The following CACNA2D2 variants were observed in gnomAD, a reference collection of about 807,000 sequenced individuals.
CACNA2D2 encodes the protein voltage-dependent calcium channel subunit alpha-2/delta-2.
Under a neutral mutation model 166.4 loss-of-function variants are expected in CACNA2D2, and 48 were observed. The ratio of observed to expected loss-of-function variants is 0.29; its 90% CI spans 0.23 to 0.37. The LOEUF (loss-of-function observed/expected upper bound fraction) is 0.37. Ranked by LOEUF, CACNA2D2 falls within the 10% of genes least tolerant of loss-of-function variation. The pLI is 1.00. For synonymous variants in CACNA2D2, 561 were observed against 573.7 expected (o/e 0.98, Z 0.32); for missense variants, 1,122 against 1,433.0 (o/e 0.78, Z 3.50).
chr3:50,490,051 G>A (rs1020374345), intron 1 of CACNA2D2, among the ~76,000 whole-genome samples: 2 of 152,198 alleles, frequency 1.3e-5, no homozygotes, highest in Non-Finnish European at 2.9e-5. Context: ...GGATGGTCAG[G>A]AAGCAGGTCC....
intron 1 of CACNA2D2, among the ~76,000 whole-genome samples, chr3:50,497,787 G>C (rs375950312): frequency 6.6e-6 from 1 of 152,208 alleles, no homozygotes; most frequent in African/African-American, 2.4e-5. Context: ...GCCACAGGCA[G>C]CTCTGGAAGC....
intron 3 of CACNA2D2, among the ~76,000 whole-genome samples, chr3:50,396,674 G>A (rs1706171890): frequency 6.6e-6 from 1 of 152,200 alleles, no homozygotes; most frequent in African/African-American, 2.4e-5. Flanking sequence ...AGTACAGCAG[G>A]TGCCGAGCTC....
At chr3:50,393,156 T>C (rs1705968348) in intron 4 of CACNA2D2, among the ~76,000 whole-genome samples, 1 of 152,202 alleles carries the variant, frequency 6.6e-6, no homozygotes, top group South Asian at 2.1e-4. Flanking sequence ...ATCCACTCTG[T>C]GCTTCTGTTT....
rs759679511 is a variant in CACNA2D2 at position 50,366,661 on chromosome 3, C to G, written c.2590-36G>C. On this transcript the variant is annotated intron_variant, in intron 29 of 37. Coordinates refer to ENST00000424201, the MANE Select transcript of CACNA2D2 (RefSeq NM_006030.4). The surrounding 1 kb of genome is among the most constrained non-coding windows in gnomAD (Gnocchi z 5.9). ...GAGAGTGAGGACCGTAAGCCACCCA[C>G]CAGTTTTCCTCCCTCCCATCACCTT... 3.1e-6 allele frequency: 5 copies of G among 1,612,916 alleles called. No individual in the cohort carries two copies. Among genetic ancestry groups the G allele is most frequent in the Admixed American group, 3.3e-5 (2 of 59,996 alleles).
chr3:50,480,857 C>T (rs1256429877), intron 1 of CACNA2D2, among the ~76,000 whole-genome samples: 5 of 3,404 alleles, frequency 1.5e-3, no homozygotes, highest in African/African-American at 1.6e-3. Flanking sequence ...GGAATGGGTA[C>T]GGGAACGGGA....
intron 4 of CACNA2D2, among the ~76,000 whole-genome samples, chr3:50,388,954 G>A (rs1316447234): frequency 6.6e-6 from 1 of 152,252 alleles, no homozygotes; most frequent in East Asian, 1.9e-4. Context: ...AAGGCAGCCC[G>A]AGAGTTCCAG....
upstream of CACNA2D2, chr3:50,504,155 T>C (rs1422364543): frequency 1.3e-5 from 2 of 152,404 alleles, 1 homozygote; most frequent in African/African-American, 4.8e-5. Flanking sequence ...CTGGACCTCC[T>C]GGTTCCCTAA....
chr3:50,453,612 T>C (rs1709206301), intron 2 of CACNA2D2, among the ~76,000 whole-genome samples: 1 of 152,212 alleles, frequency 6.6e-6, no homozygotes, highest in Non-Finnish European at 1.5e-5. Context: ...AACTGGCCCG[T>C]CCAGCGTCCT....
At chr3:50,384,724 A>C (rs1705505826) in intron 5 of CACNA2D2, among the ~76,000 whole-genome samples, 2 of 152,362 alleles carry the variant, frequency 1.3e-5, no homozygotes, top group South Asian at 4.1e-4. Flanking sequence ...GTGCTTGTGC[A>C]ATCACAGGGA....
Position 50,380,098 on chromosome 3 carries a change from C to A in CACNA2D2, c.843-80G>T. 1 of 1,410,174 alleles carries A rather than the reference C, an allele frequency of 7.1e-7. No individual in the cohort carries two copies. Among genetic ancestry groups the A allele is most frequent in the South Asian group, 1.2e-5 (1 of 85,856 alleles). 87.4% of individuals were successfully genotyped at this position (1,410,174 alleles called of 1,614,324 possible). A position where few individuals can be genotyped will look rare whatever the true frequency, so the allele number is the denominator to read the frequency against. On this transcript the variant is annotated intron_variant, in intron 8 of 37. Transcript: ENST00000424201. The surrounding 1 kb of genome is among the most constrained non-coding windows in gnomAD (Gnocchi z 4.9). ...TCCTTCCTTCACATACATATTGATT[C>A]AATACATTTCTCTTGAGCATGCACT...
chr3:50,386,115 G>A (rs1043416497), intron 5 of CACNA2D2, among the ~76,000 whole-genome samples: 6 of 152,212 alleles, frequency 3.9e-5, no homozygotes, highest in South Asian at 2.1e-4. Context: ...TATACCAGGC[G>A]TTTGGCCTAG....
In CACNA2D2 at chr3:50,375,652, A is replaced by G; in HGVS notation, c.1899T>C (p.Thr633=). 6.2e-7 allele frequency: 1 copy of G among 1,613,092 alleles called. No individual in the cohort carries two copies. Among genetic ancestry groups the G allele is most frequent in the Non-Finnish European group, 8.5e-7 (1 of 1,179,862 alleles). ...RNYTWVPIRS[T]NYSLGLVLPP... is the part of the protein sequence containing the mutation. ...GCCCTGGCCTCACTTACCTGTAGTT[A>G]GTGCTCCTTATAGGCACCCAGGTGT... Residue 633 remains threonine, a synonymous_variant, in exon 21 of 38, where the codon ACT becomes ACC. Transcript: ENST00000424201. The surrounding 1 kb of genome is among the most constrained non-coding windows in gnomAD (Gnocchi z 4.0).
chr3:50,364,083 T>C lies in CACNA2D2; in HGVS notation c.*583A>G, dbSNP rs910854503. On this transcript the variant is annotated 3_prime_UTR_variant, in exon 38 of 38. Coordinates refer to ENST00000424201, the MANE Select transcript of CACNA2D2 (RefSeq NM_006030.4). The stretch of plus-strand genomic sequence containing the variant: ...AATGTTCCAGGTGTATATGGGGTAG[T>C]GTCTGAACTGGTATCACTGTGACTA... 7 of 154,770 alleles carry C rather than the reference T, an allele frequency of 4.5e-5. No homozygotes were observed. Among genetic ancestry groups the C allele is most frequent in the Admixed American group, 3.9e-4 (6 of 15,504 alleles). 9.6% of individuals were successfully genotyped at this position (154,770 alleles called of 1,614,324 possible).
chr3:50,454,704 AT>A (rs372719915), intron 2 of CACNA2D2, among the ~76,000 whole-genome samples: 14 of 151,338 alleles, frequency 9.3e-5, no homozygotes, highest in African/African-American at 2.7e-4. Context: ...CTAAAAAAAA[AT>A]TTTTTTTTTG....
intron 3 of CACNA2D2, among the ~76,000 whole-genome samples, chr3:50,400,751 C>T (rs1315142190): frequency 2.6e-5 from 4 of 152,264 alleles, no homozygotes; most frequent in Admixed American, 2.6e-4. Context: ...TCCCTCAAGG[C>T]CCCTTCCTTC....
chr3:50,414,005 T>C, intron 3 of CACNA2D2, among the ~76,000 whole-genome samples: 1 of 151,162 alleles, frequency 6.6e-6, no homozygotes, highest in Non-Finnish European at 1.5e-5. Context: ...GAGCCAGTCT[T>C]GGCCCATTCC....
At position 50,394,188 on chromosome 3, in the gene CACNA2D2, G is replaced by A. The variant is rs370373554; in HGVS notation, c.406-20C>T. ...CAGTCTCTGAGGGACAGAGCACAGGGAGGTCAGAAGCGGAGGAAGGCAGCC... is the reference window on the plus strand; with the variant it reads ...CAGTCTCTGAGGGACAGAGCACAGGAAGGTCAGAAGCGGAGGAAGGCAGCC... On this transcript the variant is annotated intron_variant, in intron 3 of 37. Transcript: ENST00000424201. 3.0e-5 allele frequency: 49 copies of A among 1,612,372 alleles called. No individual in the cohort carries two copies. In the African/African-American group the frequency reaches 5.1e-4, roughly 17 times the overall value.
chr3:50,446,449 A>C (rs1412238533), intron 2 of CACNA2D2, among the ~76,000 whole-genome samples: 1 of 151,868 alleles, frequency 6.6e-6, no homozygotes, highest in Non-Finnish European at 1.5e-5. Context: ...CCTGTTTCGG[A>C]CTCTGCCTCC....
Position 50,374,873 on chromosome 3 carries a change from C to G in CACNA2D2, c.1908-60G>C, listed in dbSNP as rs1229025898. 3 of 1,369,930 alleles carry G rather than the reference C, an allele frequency of 2.2e-6. No homozygotes were observed. In the Admixed American group the frequency reaches 5.9e-5, roughly 27 times the overall value. 84.9% of individuals were successfully genotyped at this position (1,369,930 alleles called of 1,614,324 possible). ...GAGGCGGGCCACACTGGCACCCCCT[C>G]CCCATGGCCTTGGAGCTGGGCAGAG... On this transcript the variant is annotated intron_variant, in intron 21 of 37. Transcript: ENST00000424201.
Sources: allele counts gnomAD v4.1 joint callset (sites outside exome capture counted in the v4.1 genomes callset), GRCh38; gene constraint gnomAD v4.1.1; non-coding constraint Gnocchi (gnomAD v3.1); transcripts MANE v1.5; gene names NCBI Gene and HGNC (gene_info 2026-07-23, HGNC 2026-07-21).